Variants in RABL3 observed in about 807,000 individuals in gnomAD.
The protein encoded by RABL3 is rab-like protein 3.
RABL3 carries 31 observed loss-of-function variants against 31.8 expected under a neutral mutation model. The observed-to-expected ratio is 0.97, with a 90% CI of 0.73 to 1.31. The LOEUF (loss-of-function observed/expected upper bound fraction) is 1.31, where lower values mean the gene tolerates loss of function less well. Among genes scored for constraint, RABL3 ranks in the 40% most tolerant of loss-of-function variants. RABL3 has a pLI of 0.00. For missense variants in RABL3, 263 were observed against 279.6 expected, an observed-to-expected ratio of 0.94 and a Z score of 0.42; for synonymous variants, 97 against 99.9, an observed-to-expected ratio of 0.97 and a Z score of 0.18.
chr3:120,738,206 C>G (rs752428412), intron 1 of RABL3, among the ~76,000 whole-genome samples: 1 of 152,226 alleles, frequency 6.6e-6, no homozygotes, highest in Non-Finnish European at 1.5e-5. Flanking sequence ...TCATCAATGG[C>G]GGGCGCCCCT....
intron 2 of RABL3, among the ~76,000 whole-genome samples, chr3:120,725,331 A>G (rs1343509178): frequency 3.3e-5 from 5 of 152,250 alleles, no homozygotes; most frequent in Admixed American, 6.5e-5. Flanking sequence ...AAATAGGAAC[A>G]CTTCTACACT....
At chr3:120,713,668 A>T (rs1012858491) in intron 2 of RABL3, among the ~76,000 whole-genome samples, 4 of 152,214 alleles carry the variant, frequency 2.6e-5, no homozygotes, top group Non-Finnish European at 4.4e-5. Flanking sequence ...ATCAAATGGA[A>T]AAAGGAACAG....
chr3:120,730,264 T>G (rs925187342), intron 2 of RABL3, among the ~76,000 whole-genome samples: 6 of 152,216 alleles, frequency 3.9e-5, no homozygotes, highest in African/African-American at 1.4e-4. Flanking sequence ...ATTAAAACTA[T>G]ACCTAATTCC....
intron 4 of RABL3, among the ~76,000 whole-genome samples, chr3:120,700,242 A>C (rs531138039): frequency 6.6e-6 from 1 of 152,162 alleles, no homozygotes; most frequent in Non-Finnish European, 1.5e-5. Context: ...ACACACAGCC[A>C]GGTATCATAT....
At chr3:120,697,741 C>G (rs368647806) in intron 5 of RABL3, among the ~76,000 whole-genome samples, 2 of 152,246 alleles carry the variant, frequency 1.3e-5, no homozygotes, top group East Asian at 1.9e-4. Context: ...GTATTTGTTA[C>G]GTTGCCCTTT....
intron 4 of RABL3, among the ~76,000 whole-genome samples, chr3:120,702,633 C>G (rs1375036744): frequency 6.6e-6 from 1 of 151,688 alleles, no homozygotes; most frequent in South Asian, 2.1e-4. Flanking sequence ...TCTCGGCTCA[C>G]TGCAAGCTCC....
In RABL3 at chr3:120,742,155, C is replaced by CTT. The variant is rs55966768; in HGVS notation, c.46+305_46+306dup. Among the ~76,000 whole-genome samples, 840 of 132,778 alleles carry CTT rather than the reference C, an allele frequency of 6.3e-3. 9 individuals are homozygous for CTT. The highest frequency in any genetic ancestry group is 0.02 in the Middle Eastern group (5 of 248). 87.1% of individuals were successfully genotyped at this position (132,778 alleles called of 152,430 possible). A position where few individuals can be genotyped will look rare whatever the true frequency, so the allele number is the denominator to read the frequency against. On this transcript the variant is annotated intron_variant, in intron 1 of 7. Transcript: ENST00000273375. The stretch of plus-strand genomic sequence containing the variant: ...AACCCCATACAATACTCAATGCCTG[C>CTT]TTTTTTTTTTTTTTTTTTTAATAAA...
chr3:120,716,731 T>TA (rs530564299), intron 2 of RABL3, among the ~76,000 whole-genome samples: 10 of 152,172 alleles, frequency 6.6e-5, no homozygotes, highest in Non-Finnish European at 1.5e-4. Context: ...CAGGTTTCAC[T>TA]AAAACAAAAA....
At chr3:120,734,180 A>G (rs1220582670) in intron 1 of RABL3, among the ~76,000 whole-genome samples, 1 of 152,206 alleles carries the variant, frequency 6.6e-6, no homozygotes, top group East Asian at 1.9e-4. Context: ...ACCCATGAGC[A>G]TGGAATGTTC....
rs1230334254 is a variant in RABL3 at position 120,689,666 on chromosome 3, T to G, written c.*157A>C. 1.7e-6 allele frequency: 1 copy of G among 594,196 alleles called. No homozygotes were observed. Among genetic ancestry groups the G allele is most frequent in the African/African-American group, 1.8e-5 (1 of 54,318 alleles). 36.8% of individuals were successfully genotyped at this position (594,196 alleles called of 1,614,324 possible). ...GGGACAAAGTTTGGACCTCCCGTAT[T>G]GTCACTTCCTTTCATTTTTCCATTA... On this transcript the variant is annotated 3_prime_UTR_variant, in exon 8 of 8. Coordinates refer to ENST00000273375, the MANE Select transcript of RABL3 (RefSeq NM_173825.5).
chr3:120,735,682 A>G (rs551808838), intron 1 of RABL3, among the ~76,000 whole-genome samples: 14 of 152,246 alleles, frequency 9.2e-5, no homozygotes, highest in African/African-American at 3.4e-4. Context: ...GTGGGCATTT[A>G]GTGCTATAAA....
chr3:120,701,257 T>C lies in RABL3; in HGVS notation c.384-2684A>G, dbSNP rs565517466. Among the ~76,000 whole-genome samples, 5 of 152,302 alleles carry C rather than the reference T, an allele frequency of 3.3e-5. No homozygotes were observed. The South Asian group carries it at 8.3e-4, about 25-fold the overall frequency. On this transcript the variant is annotated intron_variant, in intron 4 of 7. Coordinates refer to ENST00000273375, the MANE Select transcript of RABL3 (RefSeq NM_173825.5). ...TTCTTTTTTAAACATTGAATACTAC[T>C]CCAGTATGTGGATATGCCATTATTT...
chr3:120,736,181 G>A (rs140850529), intron 1 of RABL3, among the ~76,000 whole-genome samples: 3 of 152,310 alleles, frequency 2.0e-5, no homozygotes, highest in Non-Finnish European at 4.4e-5. Flanking sequence ...GGGAGTCTAA[G>A]TGTCTTTGTA....
In RABL3 at chr3:120,705,917, C is replaced by A; in HGVS notation, c.383+83G>T. 3 of 850,414 alleles carry A rather than the reference C, an allele frequency of 3.5e-6. No homozygotes were observed. The South Asian group carries it at 4.3e-5, about 12-fold the overall frequency. 52.7% of individuals were successfully genotyped at this position (850,414 alleles called of 1,614,324 possible). A position where few individuals can be genotyped will look rare whatever the true frequency, so the allele number is the denominator to read the frequency against. ...CACTGAAAGAAAAATCTTTGCAAAT[C>A]AAACATTTTACAAAGTGTTATTCAG... On this transcript the variant is annotated intron_variant, in intron 4 of 7. Transcript: ENST00000273375.
chr3:120,705,201 G>A (rs545468955), intron 4 of RABL3, among the ~76,000 whole-genome samples: 1 of 152,252 alleles, frequency 6.6e-6, no homozygotes, highest in East Asian at 1.9e-4. Flanking sequence ...TTCATGAACT[G>A]GAAGATGCAA....
At chr3:120,721,194 A>G (rs1708735678) in intron 2 of RABL3, among the ~76,000 whole-genome samples, 1 of 152,238 alleles carries the variant, frequency 6.6e-6, no homozygotes. Flanking sequence ...AGCACTAAAT[A>G]TGGAAAGGAA....
intron 2 of RABL3, among the ~76,000 whole-genome samples, chr3:120,724,476 A>G (rs1431674071): frequency 1.3e-5 from 2 of 152,236 alleles, no homozygotes; most frequent in African/African-American, 4.8e-5. Context: ...GAACCAAAAA[A>G]GAGCCCACAT....
At chr3:120,717,885 A>C (rs1708689361) in intron 2 of RABL3, among the ~76,000 whole-genome samples, 1 of 152,208 alleles carries the variant, frequency 6.6e-6, no homozygotes, top group African/African-American at 2.4e-5. Flanking sequence ...GCACAAAAGC[A>C]TTCCTTGCAG....
chr3:120,723,045 C>T (rs9829072), intron 2 of RABL3, among the ~76,000 whole-genome samples: 65,919 of 151,874 alleles, frequency 0.43, 16,236 homozygotes, highest in Non-Finnish European at 0.56. Context: ...ATTGATAGAC[C>T]GCTAGCAACA....
Sources: gnomAD v4.1 joint callset for allele counts (sites outside exome capture counted in the v4.1 genomes callset) on GRCh38, gnomAD v4.1.1 for gene constraint, MANE v1.5 for transcripts, NCBI Gene and HGNC (gene_info 2026-07-23, HGNC 2026-07-21) for gene names.